The following MTERF4 variants were observed in gnomAD, a reference collection of about 807,000 sequenced individuals.
The protein encoded by MTERF4 is mitochondrial transcription termination factor 4, also known as transcription termination factor 4, mitochondrial.
In MTERF4, 17 loss-of-function variants were observed where a neutral mutation model predicts 22.5. The ratio of observed to expected loss-of-function variants is 0.75; its 90% CI spans 0.52 to 1.13. MTERF4 has a LOEUF of 1.13. Ranked by LOEUF, MTERF4 falls within the 50% of genes most tolerant of loss-of-function variation. The probability of loss-of-function intolerance (pLI) is 0.00; values close to 1 mark genes in which losing one functional copy is unlikely to be tolerated. For missense variants in MTERF4, 420 were observed against 466.8 expected (o/e 0.90, Z 0.92); for synonymous variants, 165 against 175.3 (o/e 0.94, Z 0.47).
chr2:241,070,644 G>A (rs1314222499), downstream of MTERF4, among the ~76,000 whole-genome samples: 2 of 152,226 alleles, frequency 1.3e-5, no homozygotes, highest in Non-Finnish European at 2.9e-5. Context: ...ATGCTGGGGA[G>A]CAGAGGCACA....
chr2:241,054,446 G>T, the MTERF4 span, among the ~76,000 whole-genome samples: 1 of 152,204 alleles, frequency 6.6e-6, no homozygotes, highest in East Asian at 1.9e-4. Context: ...GCACATGCCT[G>T]TAGTCCCAGC....
At chr2:241,085,860 CTTTTTTTT>C (rs772995766), downstream of MTERF4, among the ~76,000 whole-genome samples, 2 of 79,192 alleles carry the variant, frequency 2.5e-5, no homozygotes, top group African/African-American at 1.0e-4. Flanking sequence ...TCTGCGGTTT[CTTTTTTTT>C]TTTTTTTTTT....
the MTERF4 span, chr2:241,048,640 C>G: frequency 6.3e-7 from 1 of 1,587,392 alleles, no homozygotes; most frequent in Non-Finnish European, 8.6e-7. Flanking sequence ...ACATGGGAGG[C>G]TCCTCCCTCT....
the MTERF4 span, chr2:241,063,820 G>C: frequency 1.2e-6 from 1 of 849,460 alleles, no homozygotes; most frequent in Non-Finnish European, 1.8e-6. Flanking sequence ...GGACCCCCAG[G>C]GCTGCGGCCA....
chr2:241,086,228 C>T (rs547852941), downstream of MTERF4, among the ~76,000 whole-genome samples: 10 of 152,306 alleles, frequency 6.6e-5, no homozygotes, highest in East Asian at 1.7e-3. Flanking sequence ...CTCTGGAAAT[C>T]GTTCAACTCC....
intron 1 of MTERF4, 45 bp from the exon 2 acceptor site, chr2:241,099,939 A>C (rs773330721): frequency 5.0e-6 from 8 of 1,588,312 alleles, no homozygotes; most frequent in Non-Finnish European, 6.8e-6. Flanking sequence ...TCACTATTCC[A>C]GTGTAATGGA....
chr2:241,055,788 T>G, the MTERF4 span, among the ~76,000 whole-genome samples: 2 of 152,208 alleles, frequency 1.3e-5, no homozygotes, highest in South Asian at 2.1e-4. Context: ...AAAGCAGAGA[T>G]AGATTTCATA....
exon 5 of MTERF4, chr2:241,072,334 C>T: frequency 2.5e-6 from 1 of 405,634 alleles, no homozygotes; most frequent in Non-Finnish European, 4.9e-6. Flanking sequence ...GGCTGATGGG[C>T]CCAGGTGCCT....
chr2:241,067,265 CG>C (rs1406122939), downstream of MTERF4, among the ~76,000 whole-genome samples: 5 of 152,234 alleles, frequency 3.3e-5, no homozygotes, highest in African/African-American at 1.2e-4. Flanking sequence ...ACTGGAGCTT[CG>C]GAGGAGACTG....
At chr2:241,064,939 G>A in the MTERF4 span, 1 of 1,585,720 alleles carries the variant, frequency 6.3e-7, no homozygotes, top group Non-Finnish European at 8.5e-7. The surrounding 1 kb of genome is among the most constrained non-coding windows in gnomAD (Gnocchi z 7.0). Context: ...GGGCTACACG[G>A]GCGAGGACTG....
At chr2:241,058,698 C>T in the MTERF4 span, among the ~76,000 whole-genome samples, 37,246 of 152,068 alleles carry the variant, frequency 0.24, 4,946 homozygotes, top group Middle Eastern at 0.33. Flanking sequence ...TGCCTGTAAT[C>T]GCAGCACTTT....
chr2:241,070,760 C>T (rs1176760636), downstream of MTERF4, among the ~76,000 whole-genome samples: 1 of 152,230 alleles, frequency 6.6e-6, no homozygotes, highest in Non-Finnish European at 1.5e-5. Flanking sequence ...GAACGCCCCA[C>T]TTAGGTCTTC....
At chr2:241,051,213 G>T in the MTERF4 span, 1 of 152,480 alleles carries the variant, frequency 6.6e-6, no homozygotes, top group Non-Finnish European at 1.5e-5. This position sits in a 1 kb window ranked among gnomAD's most constrained non-coding sequence, Gnocchi z 4.7. Flanking sequence ...TGGTTTCGCA[G>T]ACACCTTTAA....
downstream of MTERF4, chr2:241,089,915 G>C: frequency 6.5e-7 from 1 of 1,532,262 alleles, no homozygotes; most frequent in Non-Finnish European, 8.8e-7. Context: ...AGTGCCAAGT[G>C]TGTGTGTATC....
the MTERF4 span, among the ~76,000 whole-genome samples, chr2:241,060,430 G>A: frequency 1.3e-5 from 2 of 152,118 alleles, no homozygotes; most frequent in Non-Finnish European, 2.9e-5. Flanking sequence ...TGATCCACCC[G>A]CCTTGGGCTC....
At chr2:241,066,758 G>A in the MTERF4 span, among the ~76,000 whole-genome samples, 2 of 152,170 alleles carry the variant, frequency 1.3e-5, no homozygotes, top group African/African-American at 2.4e-5. Flanking sequence ...GAGCTCGGCG[G>A]TTCTCACAGG....
At chr2:241,067,639 G>A, downstream of MTERF4, 1 of 726,928 alleles carries the variant, frequency 1.4e-6, no homozygotes, top group Non-Finnish European at 2.2e-6. Context: ...CAGTTGATGG[G>A]ACACCCTCTC....
chr2:241,094,619 A>T, downstream of MTERF4: 1 of 352,130 alleles, frequency 2.8e-6, no homozygotes, highest in South Asian at 2.2e-5. This position sits in a 1 kb window ranked among gnomAD's most constrained non-coding sequence, Gnocchi z 4.3. Context: ...TCACGAGTGA[A>T]CAGTCACATT....
chr2:241,057,740 T>C, the MTERF4 span, among the ~76,000 whole-genome samples: 1 of 152,082 alleles, frequency 6.6e-6, no homozygotes, highest in African/African-American at 2.4e-5. Context: ...TCAGTCAAAT[T>C]GTTATTCAAA....
Sources: gnomAD v4.1 joint callset for allele counts (sites outside exome capture counted in the v4.1 genomes callset) on GRCh38, gnomAD v4.1.1 for gene constraint, Gnocchi (gnomAD v3.1) non-coding constraint, MANE v1.5 for transcripts, NCBI Gene and HGNC (gene_info 2026-07-23, HGNC 2026-07-21) for gene names.